SUDS3: variants seen among roughly 807,000 people sequenced by gnomAD.
SUDS3 encodes SIN3A corepressor complex component SDS3.
SUDS3 carries 23 observed loss-of-function variants against 53.5 expected under a neutral mutation model. That is an observed-to-expected ratio of 0.43 (90% confidence interval 0.31 to 0.61). The LOEUF (loss-of-function observed/expected upper bound fraction) is 0.61. Ranked by LOEUF, SUDS3 falls within the 20% of genes least tolerant of loss-of-function variation. The probability of loss-of-function intolerance (pLI) is 0.10; values close to 1 mark genes in which losing one functional copy is unlikely to be tolerated. For synonymous variants in SUDS3, 150 were observed against 148.5 expected (o/e 1.01, Z -0.08); for missense variants, 291 against 405.9 (o/e 0.72, Z 2.43).
chr12:118,382,050 T>G (rs1011349611), intron 2 of SUDS3, among the ~76,000 whole-genome samples: 1 of 152,064 alleles, frequency 6.6e-6, no homozygotes, highest in Non-Finnish European at 1.5e-5. Flanking sequence ...ATTACTTTTT[T>G]TTTTTTTGAA....
intron 11 of SUDS3, 76 bp from the exon 12 acceptor site, chr12:118,414,259 A>G: frequency 1.9e-6 from 2 of 1,070,478 alleles, no homozygotes; most frequent in Non-Finnish European, 2.7e-6. Flanking sequence ...TCACTCGTGC[A>G]GATATTTTGA....
chr12:118,378,482 C>CTT (rs199742125), intron 1 of SUDS3, among the ~76,000 whole-genome samples: 2,259 of 137,042 alleles, frequency 0.016, 48 homozygotes, highest in South Asian at 0.096. Context: ...TGTAAGTAAT[C>CTT]TTTTTTTTTT....
intron 3 of SUDS3, among the ~76,000 whole-genome samples, chr12:118,385,510 A>G (rs1044977648): frequency 6.6e-6 from 1 of 152,184 alleles, no homozygotes; most frequent in Admixed American, 6.5e-5. Flanking sequence ...ACTTCCCCCC[A>G]CAAGATGGGC....
At chr12:118,377,590 C>T (rs533920354) in intron 1 of SUDS3, among the ~76,000 whole-genome samples, 2 of 148,582 alleles carry the variant, frequency 1.3e-5, no homozygotes, top group Admixed American at 1.4e-4. Flanking sequence ...GTTTTCAGTC[C>T]CACGCTCTTT....
intron 6 of SUDS3, among the ~76,000 whole-genome samples, chr12:118,400,439 T>C (rs903106869): frequency 1.3e-5 from 2 of 152,166 alleles, no homozygotes; most frequent in African/African-American, 4.8e-5. Flanking sequence ...GCTGCATTTC[T>C]GAGAGGGGTG....
chr12:118,397,235 G>C (rs942449423), intron 6 of SUDS3, among the ~76,000 whole-genome samples: 1 of 152,104 alleles, frequency 6.6e-6, no homozygotes, highest in Non-Finnish European at 1.5e-5. Context: ...CTCTGGGGTT[G>C]TCACACCCCA....
At chr12:118,397,048 C>G (rs4767672) in intron 6 of SUDS3, among the ~76,000 whole-genome samples, 17,500 of 152,176 alleles carry the variant, frequency 0.11, 1,273 homozygotes, top group Middle Eastern at 0.19. Flanking sequence ...ATAACGCTCT[C>G]TCAAGTCTGC....
chr12:118,406,372 G>C (rs188599390), intron 10 of SUDS3, among the ~76,000 whole-genome samples: 1 of 152,216 alleles, frequency 6.6e-6, no homozygotes, highest in African/African-American at 2.4e-5. Flanking sequence ...CTATAACGTG[G>C]ACTCACTTAT....
At chr12:118,398,147 A>T (rs561455539) in intron 6 of SUDS3, among the ~76,000 whole-genome samples, 1 of 152,228 alleles carries the variant, frequency 6.6e-6, no homozygotes, top group Non-Finnish European at 1.5e-5. Context: ...ATAATAATAA[A>T]AACTAGCATT....
chr12:118,384,831 CAAAA>C (rs879854991), intron 3 of SUDS3, among the ~76,000 whole-genome samples: 2 of 126,506 alleles, frequency 1.6e-5, no homozygotes, highest in African/African-American at 5.9e-5. Context: ...GACTCAGTCT[CAAAA>C]AAAAAAAAAA....
In SUDS3 at chr12:118,416,392, G is replaced by GA. The variant is rs2046400800; in HGVS notation, c.*1959_*1960insA. 9.2e-6 allele frequency: 1 copy of GA among 108,424 alleles called. No individual in the cohort carries two copies. The allele number at this position is 108,424 out of a possible 1,614,324, so 6.7% of individuals were successfully genotyped here. A position where few individuals can be genotyped will look rare whatever the true frequency, so the allele number is the denominator to read the frequency against. ...ATTGCCTCTTTTTCTGGCCTTCTCT[G>GA]TGGGACCTCTGCTTTTGTGAAGCAA... On this transcript the variant is annotated 3_prime_UTR_variant, in exon 12 of 12. Coordinates refer to ENST00000543473, the MANE Select transcript of SUDS3 (RefSeq NM_022491.3).
intron 4 of SUDS3, among the ~76,000 whole-genome samples, chr12:118,386,931 C>G (rs1411266756): frequency 1.3e-5 from 2 of 152,198 alleles, no homozygotes; most frequent in East Asian, 3.9e-4. Flanking sequence ...TAACGCTCAT[C>G]ATCAGCCAGC....
chr12:118,380,992 T>G (rs1374627029), intron 2 of SUDS3, among the ~76,000 whole-genome samples: 1 of 152,172 alleles, frequency 6.6e-6, no homozygotes. Context: ...CGCGAGCCAC[T>G]GCGCCCGGAC....
intron 6 of SUDS3, 97 bp downstream of exon 6, chr12:118,391,379 C>A: frequency 7.1e-7 from 1 of 1,399,254 alleles, no homozygotes; most frequent in Non-Finnish European, 9.7e-7. Context: ...AAGAGCAGAG[C>A]AAGGTGGAGA....
intron 10 of SUDS3, 131 bp from the exon 11 acceptor site, chr12:118,410,942 A>G: frequency 1.3e-6 from 1 of 766,998 alleles, no homozygotes; most frequent in Non-Finnish European, 2.1e-6. Context: ...AATCCAGGCT[A>G]TTCCTCAAAT....
chr12:118,408,335 G>GTT (rs1007287804), intron 10 of SUDS3, among the ~76,000 whole-genome samples: 32 of 130,072 alleles, frequency 2.5e-4, no homozygotes, highest in Non-Finnish European at 2.8e-4. Context: ...TACCTGGCCA[G>GTT]TTTTTTTTTT....
At chr12:118,410,592 ATTT>A (rs1566211331) in intron 10 of SUDS3, among the ~76,000 whole-genome samples, 2 of 135,900 alleles carry the variant, frequency 1.5e-5, no homozygotes, top group Non-Finnish European at 1.5e-5. Flanking sequence ...TTATTTATTT[ATTT>A]ATTTATTTAT....
intron 10 of SUDS3, among the ~76,000 whole-genome samples, chr12:118,405,038 C>G (rs1320334644): frequency 1.3e-5 from 2 of 152,156 alleles, no homozygotes; most frequent in Non-Finnish European, 2.9e-5. Flanking sequence ...AGTTGGTGTT[C>G]TTTGGCATTC....
At chr12:118,379,637 G>T (rs949466289) in intron 1 of SUDS3, among the ~76,000 whole-genome samples, 1 of 152,224 alleles carries the variant, frequency 6.6e-6, no homozygotes, top group African/African-American at 2.4e-5. Context: ...AGAAGAGAAT[G>T]TACATACTAG....
Sources: allele counts gnomAD v4.1 joint callset (sites outside exome capture counted in the v4.1 genomes callset), GRCh38; gene constraint gnomAD v4.1.1; transcripts MANE v1.5; gene names NCBI Gene and HGNC (gene_info 2026-07-23, HGNC 2026-07-21).